The following STMP1 variants were observed in gnomAD, a reference collection of about 807,000 sequenced individuals.
STMP1 encodes the protein mitolamban.
Under a neutral mutation model 7.0 loss-of-function variants are expected in STMP1, and 7 were observed. That is an observed-to-expected ratio of 1.01 (90% CI 0.57 to 1.89). STMP1 has a LOEUF of 1.89. Ranked by LOEUF, STMP1 falls within the 40% of genes most tolerant of loss-of-function variation. The pLI, the probability that STMP1 is intolerant of heterozygous loss-of-function variation, is 0.00. For missense variants in STMP1, 45 were observed against 53.0 expected (o/e 0.85, Z 0.47); for synonymous variants, 19 against 18.4 (o/e 1.03, Z -0.08).
At chr7:135,662,713 C>T (rs557487214) in intron 1 of STMP1, 119 bp downstream of exon 1, 6 of 1,204,104 alleles carry the variant, frequency 5.0e-6, no homozygotes, top group Non-Finnish European at 6.8e-6. Context: ...GCGGTCCCTT[C>T]GTCCCCCGCG....
In STMP1 at chr7:135,674,502, T is replaced by A. The variant is rs1584707665; in HGVS notation, c.*337T>A. The A allele has an allele frequency of 5.0e-6, 1 of 199,920 alleles. No individual in the cohort carries two copies. The highest frequency in any genetic ancestry group is 2.3e-5 in the African/African-American group (1 of 43,140). 12.4% of individuals were successfully genotyped at this position (199,920 alleles called of 1,614,324 possible). A position where few individuals can be genotyped will look rare whatever the true frequency, so the allele number is the denominator to read the frequency against. On this transcript the variant is annotated 3_prime_UTR_variant, in exon 3 of 3. Coordinates refer to ENST00000507606, the MANE Select transcript of STMP1 (RefSeq NM_001130929.2). ...TTACTACCTTTTTTCAAAAGAAAAA[T>A]TGATGAGTTTTGTATAGCTGGTCAG... is the stretch of plus-strand genomic sequence containing the variant.
chr7:135,669,519 C>G (rs929914081), intron 1 of STMP1, among the ~76,000 whole-genome samples: 4 of 152,094 alleles, frequency 2.6e-5, no homozygotes, highest in Non-Finnish European at 5.9e-5. Flanking sequence ...TTTCATGGGG[C>G]TAAATATGAG....
At position 135,662,542 on chromosome 7, in the gene STMP1, C is replaced by T. The variant is rs752928620; in HGVS notation, c.-38C>T. 5.2e-6 allele frequency: 8 copies of T among 1,544,150 alleles called. No individual in the cohort carries two copies. ...CTCGGACCGGCCCGCGGAGCTGCTG[C>T]AGTCCTTCGCGCCCTCCTCGCCCTC... On this transcript the variant is annotated 5_prime_UTR_variant, in exon 1 of 3. Coordinates refer to ENST00000507606, the MANE Select transcript of STMP1 (RefSeq NM_001130929.2).
At chr7:135,668,648 C>T (rs1795323186) in intron 1 of STMP1, among the ~76,000 whole-genome samples, 1 of 152,242 alleles carries the variant, frequency 6.6e-6, no homozygotes, top group African/African-American at 2.4e-5. Context: ...AGGCCATCCT[C>T]TCACCTTGTC....
At chr7:135,674,055 G>A in intron 2 of STMP1, 36 bp from the exon 3 acceptor site, 1 of 1,338,560 alleles carries the variant, frequency 7.5e-7, no homozygotes, top group Non-Finnish European at 1.0e-6. Flanking sequence ...TGATTAGGTA[G>A]ATGCAAAATT....
intron 1 of STMP1, among the ~76,000 whole-genome samples, chr7:135,664,651 G>C (rs891581911): frequency 1.3e-5 from 2 of 152,116 alleles, no homozygotes; most frequent in African/African-American, 4.8e-5. Context: ...TATTTAAGGA[G>C]AGATGCTAAA....
chr7:135,666,770 G>C (rs1383857405), intron 1 of STMP1, among the ~76,000 whole-genome samples: 1 of 152,194 alleles, frequency 6.6e-6, no homozygotes, highest in Non-Finnish European at 1.5e-5. Context: ...TATTTCACCA[G>C]TTGATGGACA....
chr7:135,675,421 AG>A lies in STMP1; in HGVS notation c.*1258del, dbSNP rs1183003129. ...ATTCTATACCAGCATGTAAGTAGCA[AG>A]GAACCTCATTCTTTTTTTGGCTGCC... On this transcript the variant is annotated 3_prime_UTR_variant, in exon 3 of 3. Coordinates refer to ENST00000507606, the MANE Select transcript of STMP1 (RefSeq NM_001130929.2). 6.6e-6 allele frequency: 1 copy of A among 152,060 alleles called. No individual in the cohort carries two copies. The highest frequency in any genetic ancestry group is 1.5e-5 in the Non-Finnish European group (1 of 68,008). 9.4% of individuals were successfully genotyped at this position (152,060 alleles called of 1,614,324 possible).
intron 1 of STMP1, among the ~76,000 whole-genome samples, chr7:135,669,665 G>A (rs907733924): frequency 6.6e-6 from 1 of 152,166 alleles, no homozygotes; most frequent in Non-Finnish European, 1.5e-5. Flanking sequence ...AACACCCCCA[G>A]CAGCATCTGG....
intron 2 of STMP1, among the ~76,000 whole-genome samples, chr7:135,673,549 G>A (rs984588379): frequency 5.3e-5 from 8 of 152,118 alleles, no homozygotes; most frequent in Admixed American, 4.6e-4. Flanking sequence ...CAGATCGAGC[G>A]GAAGTGGGTA....
chr7:135,670,918 C>T (rs1400182492), intron 1 of STMP1, among the ~76,000 whole-genome samples: 1 of 152,212 alleles, frequency 6.6e-6, no homozygotes, highest in East Asian at 1.9e-4. Flanking sequence ...TTGCTTTAGG[C>T]ACACCGCTTG....
intron 1 of STMP1, among the ~76,000 whole-genome samples, chr7:135,672,105 G>A (rs1416177469): frequency 6.6e-6 from 1 of 152,010 alleles, no homozygotes; most frequent in Non-Finnish European, 1.5e-5. Flanking sequence ...TCAGCCTCCC[G>A]AATAGCTGGG....
In STMP1 at chr7:135,675,276, G is replaced by A. The variant is rs1039148899; in HGVS notation, c.*1111G>A. ...TTTGACAAGTTACTGTTACCACTTCGCCTTATACTTTTGAGAAAGAGTCTG... is the reference window on the plus strand; with the variant it reads ...TTTGACAAGTTACTGTTACCACTTCACCTTATACTTTTGAGAAAGAGTCTG... On this transcript the variant is annotated 3_prime_UTR_variant, in exon 3 of 3. Transcript: ENST00000507606. 3.3e-5 allele frequency: 5 copies of A among 152,144 alleles called. No homozygotes were observed. The highest frequency in any genetic ancestry group is 3.4e-3 in the Middle Eastern group (1 of 294). 9.4% of individuals were successfully genotyped at this position (152,144 alleles called of 1,614,324 possible). A position where few individuals can be genotyped will look rare whatever the true frequency, so the allele number is the denominator to read the frequency against.
At chr7:135,665,126 A>T (rs534166387) in intron 1 of STMP1, among the ~76,000 whole-genome samples, 3 of 152,208 alleles carry the variant, frequency 2.0e-5, no homozygotes, top group Non-Finnish European at 4.4e-5. Flanking sequence ...TGCAGGGTTC[A>T]TTTGAACCCT....
intron 1 of STMP1, among the ~76,000 whole-genome samples, chr7:135,668,681 A>G (rs561104916): frequency 1.1e-4 from 17 of 152,340 alleles, no homozygotes; most frequent in African/African-American, 3.8e-4. Flanking sequence ...TGGGATTACA[A>G]GCGTAGCCAT....
At chr7:135,663,656 C>CT (rs1795260874) in intron 1 of STMP1, among the ~76,000 whole-genome samples, 1 of 148,396 alleles carries the variant, frequency 6.7e-6, no homozygotes, top group African/African-American at 2.5e-5. Context: ...AATGCTGTAT[C>CT]TTTTTTTGTT....
chr7:135,667,657 GTT>G (rs1446136575), intron 1 of STMP1, among the ~76,000 whole-genome samples: 1 of 151,600 alleles, frequency 6.6e-6, no homozygotes, highest in Non-Finnish European at 1.5e-5. Context: ...TCTTGATGGT[GTT>G]CTCTGAAACA....
At chr7:135,667,974 A>C (rs976027852) in intron 1 of STMP1, among the ~76,000 whole-genome samples, 1 of 152,222 alleles carries the variant, frequency 6.6e-6, no homozygotes, top group Non-Finnish European at 1.5e-5. Context: ...AGTGTGAGAT[A>C]GGAGTCCACC....
chr7:135,665,482 C>G (rs868562147), intron 1 of STMP1: 5 of 151,910 alleles, frequency 3.3e-5, no homozygotes, highest in Non-Finnish European at 7.3e-5. Context: ...GAGATAGGGT[C>G]TCACTATATT....
Sources: gnomAD v4.1 joint callset for allele counts (sites outside exome capture counted in the v4.1 genomes callset) on GRCh38, gnomAD v4.1.1 for gene constraint, MANE v1.5 for transcripts, NCBI Gene and HGNC (gene_info 2026-07-23, HGNC 2026-07-21) for gene names.